The following TENT5A variants were observed in gnomAD, a reference collection of about 807,000 sequenced individuals.
TENT5A encodes the protein terminal nucleotidyltransferase 5A.
In TENT5A, 9 loss-of-function variants were observed where a neutral mutation model predicts 30.2. The ratio of observed to expected loss-of-function variants is 0.30; its 90% confidence interval spans 0.18 to 0.52. The LOEUF is 0.52. TENT5A is among the 20% of genes least tolerant of loss of function. TENT5A has a pLI of 0.97. For synonymous variants in TENT5A, 264 were observed against 234.2 expected (o/e 1.13, Z -1.16); for missense variants, 411 against 566.1 (o/e 0.73, Z 2.78).
In TENT5A at chr6:81,751,587, T is replaced by C; in HGVS notation, c.552+3A>G. 6.2e-7 allele frequency: 1 copy of C among 1,600,086 alleles called. No homozygotes were observed. The highest frequency in any genetic ancestry group is 8.5e-7 in the Non-Finnish European group (1 of 1,172,652). ...GACCCAAGTGCATCTCGGGTGGTGT[T>C]ACCTTGAGCGTGAGTGGTGTGATCT... On this transcript the variant is annotated splice_donor_region_variant and intron_variant, in intron 2 of 2. Coordinates refer to ENST00000320172, the MANE Select transcript of TENT5A (RefSeq NM_017633.3).
chr6:81,751,450 T>A (rs2127726777), intron 2 of TENT5A, 140 bp downstream of exon 2: 9 of 769,344 alleles, frequency 1.2e-5, no homozygotes, highest in South Asian at 5.4e-5. Flanking sequence ...GTTTAAAAAA[T>A]CAAAAATCAA....
Position 81,751,935 on chromosome 6 carries a change from C to G in TENT5A, c.207G>C (p.Glu69Asp). 6.2e-7 allele frequency: 1 copy of G among 1,611,700 alleles called. No homozygotes were observed. The highest frequency in any genetic ancestry group is 1.7e-5 in the Admixed American group (1 of 59,904). ...PTAHCNVLNWEQVQRLDGILS... is the reference protein window; with the variant it reads ...PTAHCNVLNWDQVQRLDGILS... ...GGATGCCGTCCAGCCGCTGCACTTG[C>G]TCCCAGTTCAGCACATTGCAGTGCG... The change falls in exon 2 of 3, where the codon GAG becomes GAC. Residue 69 changes from glutamate to aspartate, a missense_variant. Physicochemically the swap from Glu to Asp is conservative, Grantham distance 45. Coordinates refer to ENST00000320172, the MANE Select transcript of TENT5A (RefSeq NM_017633.3).
rs2127726210 is a variant in TENT5A, at chr6:81,748,880, G to C, written c.*815C>G. 1 of 985,218 alleles carries C rather than the reference G, an allele frequency of 1.0e-6. No homozygotes were observed. Among genetic ancestry groups the C allele is most frequent in the Non-Finnish European group, 1.2e-6 (1 of 829,374 alleles). 61.0% of individuals were successfully genotyped at this position (985,218 alleles called of 1,614,324 possible). ...ATTTTCAGAAGGCAACAGGCACTTTGATGTATATTGGTGTGTAACAAATAT... is the reference window on the plus strand; with the variant it reads ...ATTTTCAGAAGGCAACAGGCACTTTCATGTATATTGGTGTGTAACAAATAT... On this transcript the variant is annotated 3_prime_UTR_variant, in exon 3 of 3. Coordinates refer to ENST00000320172, the MANE Select transcript of TENT5A (RefSeq NM_017633.3).
rs1364239952 is a variant in TENT5A at position 81,746,205 on chromosome 6, C to G, written c.*3490G>C. ...CTATATATGAAATTACTTTTTTTGG[C>G]TTTTTGGTTTCACCTAACACACTTC... is the stretch of plus-strand genomic sequence containing the variant. On this transcript the variant is annotated 3_prime_UTR_variant, in exon 3 of 3. Transcript: ENST00000320172. 1 of 1,085,686 alleles carries G rather than the reference C, an allele frequency of 9.2e-7. No individual in the cohort carries two copies. The allele number at this position is 1,085,686 out of a possible 1,614,324, so 67.3% of individuals were successfully genotyped here.
rs1768933602 is a variant in TENT5A at position 81,748,604 on chromosome 6, A to C, written c.*1091T>G. The C allele has an allele frequency of 1.0e-6, 1 of 961,056 alleles. No homozygotes were observed. The highest frequency in any genetic ancestry group is 1.2e-6 in the Non-Finnish European group (1 of 807,906). The allele number at this position is 961,056 out of a possible 1,614,324, so 59.5% of individuals were successfully genotyped here. A position where few individuals can be genotyped will look rare whatever the true frequency, so the allele number is the denominator to read the frequency against. ...GAGACATTATTCTAGATCATAGTCA[A>C]TCTACTGTGTATATATACATATAAA... On this transcript the variant is annotated 3_prime_UTR_variant, in exon 3 of 3. Transcript: ENST00000320172.
chr6:81,747,626 T>C lies in TENT5A; in HGVS notation c.*2069A>G. Reference sequence around the variant, plus strand: ...CTGCCAACAGGAGGATATTTTTTTCTCCCGTGGTCTCTCTTTAACTGATGA... The same window carrying C: ...CTGCCAACAGGAGGATATTTTTTTCCCCCGTGGTCTCTCTTTAACTGATGA... On this transcript the variant is annotated 3_prime_UTR_variant, in exon 3 of 3. Coordinates refer to ENST00000320172, the MANE Select transcript of TENT5A (RefSeq NM_017633.3). The C allele has an allele frequency of 1.0e-6, 1 of 985,726 alleles. No homozygotes were observed. Among genetic ancestry groups the C allele is most frequent in the Non-Finnish European group, 1.2e-6 (1 of 829,900 alleles). The allele number at this position is 985,726 out of a possible 1,614,324, so 61.1% of individuals were successfully genotyped here.
At position 81,749,292 on chromosome 6, in the gene TENT5A, A is replaced by AT. The variant is rs779089325; in HGVS notation, c.*402dup. ...TGGAGTGAGACCTTTTTTCCTCCGT[A>AT]TTTTCCCTTTTATGAATTCCATCTT... is the stretch of plus-strand genomic sequence containing the variant. On this transcript the variant is annotated 3_prime_UTR_variant, in exon 3 of 3. Coordinates refer to ENST00000320172, the MANE Select transcript of TENT5A (RefSeq NM_017633.3). 1 of 995,788 alleles carries AT rather than the reference A, an allele frequency of 1.0e-6. No homozygotes were observed. The allele number at this position is 995,788 out of a possible 1,614,324, so 61.7% of individuals were successfully genotyped here. A position where few individuals can be genotyped will look rare whatever the true frequency, so the allele number is the denominator to read the frequency against.
In TENT5A at chr6:81,752,548, ACCCCTGCCGCCT is replaced by A; in HGVS notation, c.-167_-156del. 9.1e-7 allele frequency: 1 copy of A among 1,093,700 alleles called. No homozygotes were observed. Among genetic ancestry groups the A allele is most frequent in the African/African-American group, 1.6e-5 (1 of 63,252 alleles). The allele number at this position is 1,093,700 out of a possible 1,614,324, so 67.7% of individuals were successfully genotyped here. On this transcript the variant is annotated 5_prime_UTR_variant, in exon 1 of 3. Coordinates refer to ENST00000320172, the MANE Select transcript of TENT5A (RefSeq NM_017633.3). ...CAAATAGCGACTTCGTCTTTCCCAG[ACCCCTGCCGCCT>A]GCGCTCACCACTCCCTCCCCGCGAC... is the stretch of plus-strand genomic sequence containing the variant.
chr6:81,749,832 C>T lies in TENT5A; in HGVS notation c.1192G>A (p.Val398Met). 6.2e-7 allele frequency: 1 copy of T among 1,614,122 alleles called. No individual in the cohort carries two copies. The highest frequency in any genetic ancestry group is 8.5e-7 in the Non-Finnish European group (1 of 1,180,034). Residue 398 changes from valine to methionine, a missense_variant, in exon 3 of 3, where the codon GTG becomes ATG. Physicochemically the swap from Val to Met is conservative, Grantham distance 21. Around this residue, in one of 5 missense-constraint regions of TENT5A, gnomAD observed 75 missense variants for 80.9 expected, o/e 0.93. Coordinates refer to ENST00000320172, the MANE Select transcript of TENT5A (RefSeq NM_017633.3). ...VLADQNVIPNVANVTCYYQPA... is the reference protein window; with the variant it reads ...VLADQNVIPNMANVTCYYQPA... ...TGGTAATAGCAAGTGACATTAGCCACATTAGGAATGACATTTTGGTCAGCT... is the reference window on the plus strand; with the variant it reads ...TGGTAATAGCAAGTGACATTAGCCATATTAGGAATGACATTTTGGTCAGCT...
chr6:81,746,146 G>T lies in TENT5A; in HGVS notation c.*3549C>A, dbSNP rs116650977. 882 of 991,470 alleles carry T rather than the reference G, an allele frequency of 8.9e-4. 11 individuals carry two copies. The African/African-American group carries it at 0.013, about 15-fold the overall frequency. 61.4% of individuals were successfully genotyped at this position (991,470 alleles called of 1,614,324 possible). A position where few individuals can be genotyped will look rare whatever the true frequency, so the allele number is the denominator to read the frequency against. On this transcript the variant is annotated 3_prime_UTR_variant, in exon 3 of 3. Transcript: ENST00000320172. ...TAGCACTGAAAATGCTATGCTAAAA[G>T]AAATTTTAAAGAAAGATTATATTCA...
In TENT5A at chr6:81,752,163, T is replaced by A. The variant is rs1327321280; in HGVS notation, c.-22A>T. 1.3e-6 allele frequency: 2 copies of A among 1,528,898 alleles called. No individual in the cohort carries two copies. The highest frequency in any genetic ancestry group is 1.8e-6 in the Non-Finnish European group (2 of 1,136,878). The allele number at this position is 1,528,898 out of a possible 1,614,324, so 94.7% of individuals were successfully genotyped here. A position where few individuals can be genotyped will look rare whatever the true frequency, so the allele number is the denominator to read the frequency against. On this transcript the variant is annotated 5_prime_UTR_variant, in exon 2 of 3. It adds an upstream start codon to the 5' untranslated region. Transcript: ENST00000320172. Reference sequence around the variant, plus strand: ...CCATGTAGTGCCCGCCGAGCGCCACTTGGCCCTGGTCAGTCCTAAAAAGAA... The same window carrying A: ...CCATGTAGTGCCCGCCGAGCGCCACATGGCCCTGGTCAGTCCTAAAAAGAA...
rs2127725879 is a variant in TENT5A at position 81,747,407 on chromosome 6, T to G, written c.*2288A>C. 1.0e-6 allele frequency: 1 copy of G among 985,844 alleles called. No individual in the cohort carries two copies. The highest frequency in any genetic ancestry group is 1.1e-4 in the East Asian group (1 of 8,808). The allele number at this position is 985,844 out of a possible 1,614,324, so 61.1% of individuals were successfully genotyped here. ...CAAGATGGTAGTAGGAGGAGTTCCT[T>G]AGAAAACTGAGTGGCAGTGCAGCGG... On this transcript the variant is annotated 3_prime_UTR_variant, in exon 3 of 3. Coordinates refer to ENST00000320172, the MANE Select transcript of TENT5A (RefSeq NM_017633.3).
At position 81,749,248 on chromosome 6, in the gene TENT5A, C is replaced by A; in HGVS notation, c.*447G>T. The A allele has an allele frequency of 1.0e-6, 1 of 989,156 alleles. No individual in the cohort carries two copies. Among genetic ancestry groups the A allele is most frequent in the Non-Finnish European group, 1.2e-6 (1 of 832,390 alleles). The allele number at this position is 989,156 out of a possible 1,614,324, so 61.3% of individuals were successfully genotyped here. A position where few individuals can be genotyped will look rare whatever the true frequency, so the allele number is the denominator to read the frequency against. ...TATTGTTACTATTAATATCTGAACT[C>A]CTAAACTGATTCACAAGTTGGAGTG... On this transcript the variant is annotated 3_prime_UTR_variant, in exon 3 of 3. Transcript: ENST00000320172.
Position 81,749,860 on chromosome 6 carries a change from C to T in TENT5A, c.1164G>A (p.Val388=), listed in dbSNP as rs200190773. The T allele has an allele frequency of 8.5e-5, 137 of 1,614,020 alleles. No individual in the cohort carries two copies. Among genetic ancestry groups the T allele is most frequent in the Non-Finnish European group, 1.1e-4 (129 of 1,180,048 alleles). The stretch of plus-strand genomic sequence containing the variant: ...TAGGAATGACATTTTGGTCAGCTAA[C>T]ACCCGGATAGCCAGCATGGTGATAA... ...LNLITMLAIR[V]LADQNVIPNV... is the part of the protein sequence containing the mutation. Residue 388 remains valine, a synonymous_variant, in exon 3 of 3, where the codon GTG becomes GTA. Coordinates refer to ENST00000320172, the MANE Select transcript of TENT5A (RefSeq NM_017633.3).
rs546920322 is a variant in TENT5A at position 81,747,069 on chromosome 6, G to T, written c.*2626C>A. 8.1e-6 allele frequency: 8 copies of T among 982,990 alleles called. No individual in the cohort carries two copies. The highest frequency in any genetic ancestry group is 9.7e-6 in the Non-Finnish European group (8 of 827,838). The allele number at this position is 982,990 out of a possible 1,614,324, so 60.9% of individuals were successfully genotyped here. A position where few individuals can be genotyped will look rare whatever the true frequency, so the allele number is the denominator to read the frequency against. ...TAAATCAAAGTGTATTTCAAATAAG[G>T]CTCTTCCAAACAAAAATCTGTGTTA... On this transcript the variant is annotated 3_prime_UTR_variant, in exon 3 of 3. Coordinates refer to ENST00000320172, the MANE Select transcript of TENT5A (RefSeq NM_017633.3).
rs201474284 is a variant in TENT5A at position 81,750,361 on chromosome 6, G to A, written c.663C>T (p.Ser221=). Residue 221 remains serine, a synonymous_variant, in exon 3 of 3, where the codon TCC becomes TCT. Coordinates refer to ENST00000320172, the MANE Select transcript of TENT5A (RefSeq NM_017633.3). The surrounding 1 kb of genome is among the most constrained non-coding windows in gnomAD (Gnocchi z 4.2). ...GKNVELKFVD[S]LRRQFEFSVD... ...CACTGAATTCAAACTGCCTCCGGAG[G>A]GAATCCACAAATTTCAGTTCCACAT... The A allele has an allele frequency of 3.0e-5, 48 of 1,613,500 alleles. No individual in the cohort carries two copies. The highest frequency in any genetic ancestry group is 1.6e-4 in the Middle Eastern group (1 of 6,084).
At position 81,747,871 on chromosome 6, in the gene TENT5A, G is replaced by A. The variant is rs1735554052; in HGVS notation, c.*1824C>T. 2 of 985,670 alleles carry A rather than the reference G, an allele frequency of 2.0e-6. No homozygotes were observed. Among genetic ancestry groups the A allele is most frequent in the Non-Finnish European group, 2.4e-6 (2 of 829,788 alleles). 61.1% of individuals were successfully genotyped at this position (985,670 alleles called of 1,614,324 possible). On this transcript the variant is annotated 3_prime_UTR_variant, in exon 3 of 3. Coordinates refer to ENST00000320172, the MANE Select transcript of TENT5A (RefSeq NM_017633.3). Reference sequence around the variant, plus strand: ...GATTAGCTGTTATTGAACTGAAATAGTAATGCCAGTTCATTTCACAAAGGT... The same window carrying A: ...GATTAGCTGTTATTGAACTGAAATAATAATGCCAGTTCATTTCACAAAGGT...
At position 81,746,425 on chromosome 6, in the gene TENT5A, T is replaced by C. The variant is rs1768885944; in HGVS notation, c.*3270A>G. The C allele has an allele frequency of 8.1e-7, 1 of 1,231,418 alleles. No individual in the cohort carries two copies. The allele number at this position is 1,231,418 out of a possible 1,614,324, so 76.3% of individuals were successfully genotyped here. A position where few individuals can be genotyped will look rare whatever the true frequency, so the allele number is the denominator to read the frequency against. On this transcript the variant is annotated 3_prime_UTR_variant, in exon 3 of 3. Coordinates refer to ENST00000320172, the MANE Select transcript of TENT5A (RefSeq NM_017633.3). The stretch of plus-strand genomic sequence containing the variant: ...GTACGTTCACTTTTCATTTCCTTCC[T>C]TGGTTTGGATTACACATATTCTTCC...
Position 81,746,651 on chromosome 6 carries a change from G to A in TENT5A, c.*3044C>T, listed in dbSNP as rs1233446746. The A allele has an allele frequency of 1.6e-6, 2 of 1,231,474 alleles. No individual in the cohort carries two copies. The highest frequency in any genetic ancestry group is 2.0e-6 in the Non-Finnish European group (2 of 987,558). The allele number at this position is 1,231,474 out of a possible 1,614,324, so 76.3% of individuals were successfully genotyped here. On this transcript the variant is annotated 3_prime_UTR_variant, in exon 3 of 3. Transcript: ENST00000320172. ...CTGACATGCCAGGCTGGACAGGTGA[G>A]AAGAGCCTCCAAAAGACAAAACTTC... is the stretch of plus-strand genomic sequence containing the variant.
Sources: gnomAD v4.1 joint callset for allele counts on GRCh38, gnomAD v4.1.1 for gene constraint, gnomAD v4.1.1 regional missense constraint, Gnocchi (gnomAD v3.1) non-coding constraint, MANE v1.5 for transcripts, NCBI Gene and HGNC (gene_info 2026-07-23, HGNC 2026-07-21) for gene names.